Variants in LRRC34 observed in about 807,000 individuals in gnomAD.
LRRC34 encodes the protein leucine-rich repeat-containing protein 34.
In LRRC34, 44 loss-of-function variants were observed where a neutral mutation model predicts 48.5. The observed-to-expected ratio is 0.91, with a 90% confidence interval of 0.71 to 1.17. The LOEUF (loss-of-function observed/expected upper bound fraction) is 1.17. LRRC34 is among the 50% of genes most tolerant of loss of function. The probability of loss-of-function intolerance (pLI) is 0.00; values close to 1 mark genes in which losing one functional copy is unlikely to be tolerated. For missense variants in LRRC34, 502 were observed against 563.0 expected (o/e 0.89, Z 1.10); for synonymous variants, 192 against 197.6 (o/e 0.97, Z 0.24).
rs778818287 is a variant in LRRC34, at chr3:169,804,037, T to C, written c.657+16A>G. The C allele has an allele frequency of 6.4e-7, 1 of 1,551,726 alleles. No individual in the cohort carries two copies. The highest frequency in any genetic ancestry group is 8.7e-7 in the Non-Finnish European group (1 of 1,147,274). On this transcript the variant is annotated intron_variant, in intron 6 of 10. Coordinates refer to ENST00000446859, the MANE Select transcript of LRRC34 (RefSeq NM_001172779.2). ...ACCCACTATCTGGATGATTTTCTCA[T>C]AACCAGTTTACTCACCAGATCACAG... is the stretch of plus-strand genomic sequence containing the variant.
chr3:169,802,655 C>T (rs1779235216), intron 6 of LRRC34, among the ~76,000 whole-genome samples: 1 of 152,082 alleles, frequency 6.6e-6, no homozygotes, highest in African/African-American at 2.4e-5. Flanking sequence ...CCCAGAACCA[C>T]ACTGGCTGCA....
intron 2 of LRRC34, 25 bp downstream of exon 2, chr3:169,808,598 TTAATG>T (rs772956037): frequency 1.8e-6 from 2 of 1,127,430 alleles, no homozygotes; most frequent in African/African-American, 1.6e-5. Flanking sequence ...GCAAACACTA[TTAATG>T]TAATCAAGTA....
rs1779389103 is a variant in LRRC34, at chr3:169,806,782, G to A, written c.528+66C>T. On this transcript the variant is annotated intron_variant, in intron 5 of 10. Transcript: ENST00000446859. The stretch of plus-strand genomic sequence containing the variant: ...GTTCACTTCAACATTGGACACTGTT[G>A]GTTCCAAGCTATCAGAAGTTAGAAT... 4.3e-6 allele frequency: 4 copies of A among 939,506 alleles called. No individual in the cohort carries two copies. The South Asian group carries it at 6.1e-5, about 14-fold the overall frequency. The allele number at this position is 939,506 out of a possible 1,614,324, so 58.2% of individuals were successfully genotyped here.
chr3:169,800,348 T>TTCA (rs1343217482), intron 7 of LRRC34, among the ~76,000 whole-genome samples: 2 of 152,240 alleles, frequency 1.3e-5, no homozygotes, highest in African/African-American at 4.8e-5. Flanking sequence ...CTTTAAAACC[T>TTCA]TCACTATTTA....
Position 169,796,842 on chromosome 3 carries a change from G to A in LRRC34, c.811C>T (p.Leu271=). The part of the protein sequence containing the change: ...MLKENHCLVA[L]HMCKHDIKNS... ...TTTATATCATGCTTACACATGTGTA[G>A]TGCAACAAGACAGTGATTTTCTTTC... Residue 271 remains leucine (L), a synonymous_variant, in exon 8 of 11, where the codon CTA becomes TTA. Transcript: ENST00000446859. The A allele has an allele frequency of 6.2e-7, 1 of 1,609,808 alleles. No individual in the cohort carries two copies. Among genetic ancestry groups the A allele is most frequent in the Non-Finnish European group, 8.5e-7 (1 of 1,178,196 alleles).
intron 7 of LRRC34, among the ~76,000 whole-genome samples, chr3:169,797,873 T>C (rs1429831630): frequency 2.6e-5 from 4 of 152,196 alleles, no homozygotes; most frequent in Admixed American, 1.3e-4. Context: ...TTTAGTAAAG[T>C]AGCTGAAATT....
At chr3:169,804,273 T>A in intron 5 of LRRC34, 92 bp from the exon 6 acceptor site, 1 of 1,065,804 alleles carries the variant, frequency 9.4e-7, no homozygotes, top group Non-Finnish European at 1.3e-6. Context: ...ATTTGCAGAC[T>A]CCAATTTTCA....
In LRRC34 at chr3:169,796,867, C is replaced by T. The variant is rs146384166; in HGVS notation, c.786G>A (p.Leu262=). ...GTGCAACAAGACAGTGATTTTCTTT[C>T]AACATGCGGCCTACATGGACTGTAG... The part of the protein sequence containing the change: ...EESTVHVGRM[L]KENHCLVALH... Residue 262 remains leucine (L), a synonymous_variant, in exon 8 of 11, where the codon TTG becomes TTA. Coordinates refer to ENST00000446859, the MANE Select transcript of LRRC34 (RefSeq NM_001172779.2). The T allele has an allele frequency of 6.2e-7, 1 of 1,607,150 alleles. No individual in the cohort carries two copies. Among genetic ancestry groups the T allele is most frequent in the Non-Finnish European group, 8.5e-7 (1 of 1,176,910 alleles).
intron 5 of LRRC34, among the ~76,000 whole-genome samples, chr3:169,805,884 CAAAAAAAA>C (rs372353857): frequency 4.2e-4 from 23 of 54,840 alleles, no homozygotes; most frequent in African/African-American, 1.1e-3. Context: ...AACTCCATCT[CAAAAAAAA>C]AAAAAAAAAA....
rs191689495 is a variant in LRRC34, at chr3:169,804,701, A to G, written c.529-520T>C. Among the ~76,000 whole-genome samples, 22 of 152,360 alleles carry G rather than the reference A, an allele frequency of 1.4e-4. No homozygotes were observed. The East Asian group carries it at 3.7e-3, about 25-fold the overall frequency. On this transcript the variant is annotated intron_variant, in intron 5 of 10. Coordinates refer to ENST00000446859, the MANE Select transcript of LRRC34 (RefSeq NM_001172779.2). ...TGCCCAAGAAACAGATGCCCAAGCA[A>G]TAACCAGTAAATAAAACATATATTA...
At chr3:169,807,323 A>T (rs1270848150) in intron 4 of LRRC34, 103 bp downstream of exon 4, 1 of 1,113,920 alleles carries the variant, frequency 9.0e-7, no homozygotes, top group Non-Finnish European at 1.4e-6. Flanking sequence ...GCACAGAGTC[A>T]GGACCCTTGA....
intron 2 of LRRC34, among the ~76,000 whole-genome samples, chr3:169,808,263 G>A (rs139019348): frequency 0.014 from 2,127 of 149,154 alleles, 30 homozygotes; most frequent in South Asian, 0.053. Context: ...GCAGTGAGCC[G>A]AGATCACGCC....
Position 169,806,836 on chromosome 3 carries a change from A to G in LRRC34, c.528+12T>C. 6.5e-7 allele frequency: 1 copy of G among 1,547,360 alleles called. No individual in the cohort carries two copies. The highest frequency in any genetic ancestry group is 8.9e-7 in the Non-Finnish European group (1 of 1,125,544). ...CAAATACAATGTTAGTTTGAAATACATAAATGCTTACATGTAGCACTTTAG... is the reference window on the plus strand; with the variant it reads ...CAAATACAATGTTAGTTTGAAATACGTAAATGCTTACATGTAGCACTTTAG... On this transcript the variant is annotated intron_variant, in intron 5 of 10. Transcript: ENST00000446859.
Position 169,804,101 on chromosome 3 carries a change from C to T in LRRC34, c.609G>A (p.Leu203=), listed in dbSNP as rs1361699786. 1 of 1,603,746 alleles carries T rather than the reference C, an allele frequency of 6.2e-7. No homozygotes were observed. Among genetic ancestry groups the T allele is most frequent in the Non-Finnish European group, 8.5e-7 (1 of 1,174,536 alleles). ...ATTTCTCTAATGATGAATTAATTTG[C>T]AGCATTGCAGCAAAAAACATTCCAC... ...NKGGMFFAAM[L]QINSSLEKLD... is the part of the protein sequence containing the mutation. The change falls in exon 6 of 11, where the codon CTG becomes CTA. Residue 203 remains leucine (L), a synonymous_variant. Coordinates refer to ENST00000446859, the MANE Select transcript of LRRC34 (RefSeq NM_001172779.2).
rs185965193 is a variant in LRRC34, at chr3:169,793,230, A to G, written c.*405T>C. Among the ~76,000 whole-genome samples, 13 of 152,340 alleles carry G rather than the reference A, an allele frequency of 8.5e-5. No homozygotes were observed. Among genetic ancestry groups the G allele is most frequent in the African/African-American group, 2.6e-4 (11 of 41,580 alleles). The stretch of plus-strand genomic sequence containing the variant: ...ATAGGATAGGTAGAATACTTTTTCA[A>G]CTTCTGAACTTTGAAACCCTTTGAA... On this transcript the variant is annotated 3_prime_UTR_variant, in exon 11 of 11. Coordinates refer to ENST00000446859, the MANE Select transcript of LRRC34 (RefSeq NM_001172779.2).
rs538088155 is a variant in LRRC34, at chr3:169,793,131, A to G, written c.*504T>C. 6.6e-6 allele frequency among the ~76,000 whole-genome samples: 1 copy of G among 152,300 alleles called. No homozygotes were observed. The highest frequency in any genetic ancestry group is 1.5e-5 in the Non-Finnish European group (1 of 68,028). Reference sequence around the variant, plus strand: ...GCTGGCAGCACTGGCTTGTTGGGAAAGGGGTATGTATATGTTTATATATAT... The same window carrying G: ...GCTGGCAGCACTGGCTTGTTGGGAAGGGGGTATGTATATGTTTATATATAT... On this transcript the variant is annotated 3_prime_UTR_variant, in exon 11 of 11. Coordinates refer to ENST00000446859, the MANE Select transcript of LRRC34 (RefSeq NM_001172779.2).
At chr3:169,804,449 C>T (rs1467536101) in intron 5 of LRRC34, among the ~76,000 whole-genome samples, 3 of 152,168 alleles carry the variant, frequency 2.0e-5, no homozygotes, top group Non-Finnish European at 2.9e-5. Flanking sequence ...GCACCCACCA[C>T]CACGCCTGGC....
chr3:169,812,688 T>C lies in LRRC34; in HGVS notation c.-140A>G. The C allele has an allele frequency of 8.2e-7, 1 of 1,222,930 alleles. No homozygotes were observed. The allele number at this position is 1,222,930 out of a possible 1,614,324, so 75.8% of individuals were successfully genotyped here. ...CTGCTAAGGCAGTGACCGCCTACTC[T>C]GTGGAGGTCCTTTGTCACCCTGCCC... On this transcript the variant is annotated 5_prime_UTR_variant, in exon 1 of 11. Transcript: ENST00000446859. This position sits in a 1 kb window ranked among gnomAD's most constrained non-coding sequence, Gnocchi z 4.3.
intron 7 of LRRC34, among the ~76,000 whole-genome samples, chr3:169,797,643 T>A (rs1279618374): frequency 6.6e-6 from 1 of 152,180 alleles, no homozygotes; most frequent in African/African-American, 2.4e-5. Context: ...ACATAATAAG[T>A]TTTTTAGTCA....
Sources: gnomAD v4.1 joint callset for allele counts (sites outside exome capture counted in the v4.1 genomes callset) on GRCh38, gnomAD v4.1.1 for gene constraint, Gnocchi (gnomAD v3.1) non-coding constraint, MANE v1.5 for transcripts, NCBI Gene and HGNC (gene_info 2026-07-23, HGNC 2026-07-21) for gene names.